Variants in GREB1L observed in about 807,000 individuals in gnomAD.
GREB1L encodes the protein GREB1-like protein.
GREB1L carries 17 observed loss-of-function variants against 200.8 expected under a neutral mutation model. That is an observed-to-expected ratio of 0.08 (90% CI 0.06 to 0.13). The LOEUF is 0.13. Ranked by LOEUF, GREB1L falls within the 10% of genes least tolerant of loss-of-function variation. The pLI is 1.00. For missense variants in GREB1L, 1,657 were observed against 2,367.7 expected (o/e 0.70, Z 6.23); for synonymous variants, 789 against 893.0 (o/e 0.88, Z 2.08).
intron 1 of GREB1L, among the ~76,000 whole-genome samples, chr18:21,269,876 G>C (rs1348423290): frequency 6.6e-6 from 1 of 152,052 alleles, no homozygotes; most frequent in Non-Finnish European, 1.5e-5. Flanking sequence ...AAATAGGTAG[G>C]ATTAGGATAA....
At chr18:21,411,556 G>A (rs550535023) in intron 7 of GREB1L, among the ~76,000 whole-genome samples, 3 of 152,244 alleles carry the variant, frequency 2.0e-5, no homozygotes, top group South Asian at 2.1e-4. Context: ...ACTGCTGGTA[G>A]GAGTGTTAAT....
At chr18:21,262,382 G>A (rs574939783) in intron 1 of GREB1L, among the ~76,000 whole-genome samples, 1 of 152,268 alleles carries the variant, frequency 6.6e-6, no homozygotes, top group Non-Finnish European at 1.5e-5. Flanking sequence ...TGTTTTGAAT[G>A]ACAGACCTTA....
rs116419069 is a variant in GREB1L at position 21,418,031 on chromosome 18, A to G, written c.832+14037A>G. Among the ~76,000 whole-genome samples the G allele has an allele frequency of 8.5e-3, 1,292 of 152,170 alleles. 18 individuals carry two copies. The highest frequency in any genetic ancestry group is 0.029 in the African/African-American group (1,207 of 41,538). On this transcript the variant is annotated intron_variant, in intron 7 of 32. Transcript: ENST00000424526. ...GAAAACCACTGAAAATAGTAACTGC[A>G]TAGATAAATGTATTTAATTTTTAAA...
intron 11 of GREB1L, among the ~76,000 whole-genome samples, chr18:21,448,786 G>C (rs948793913): frequency 1.3e-5 from 2 of 152,144 alleles, no homozygotes; most frequent in African/African-American, 4.8e-5. Flanking sequence ...TGTTCTAAAG[G>C]CTGGTTGAGT....
intron 7 of GREB1L, among the ~76,000 whole-genome samples, chr18:21,415,245 G>T (rs527247289): frequency 1.2e-4 from 19 of 152,206 alleles, no homozygotes; most frequent in Middle Eastern, 3.2e-3. Flanking sequence ...GCCAAGCGTG[G>T]TGGCTCACAT....
At chr18:21,307,950 T>G (rs1023784850) in intron 1 of GREB1L, among the ~76,000 whole-genome samples, 2 of 152,234 alleles carry the variant, frequency 1.3e-5, no homozygotes, top group Non-Finnish European at 2.9e-5. Context: ...GTTGCCAAAT[T>G]AGAGCAGTAT....
At chr18:21,478,010 T>A (rs528867471) in intron 17 of GREB1L, among the ~76,000 whole-genome samples, 4 of 152,362 alleles carry the variant, frequency 2.6e-5, no homozygotes, top group African/African-American at 9.6e-5. Context: ...GGATTTCCTT[T>A]GTGCCTTCAT....
At chr18:21,329,969 T>G (rs867053842) in intron 1 of GREB1L, among the ~76,000 whole-genome samples, 202 of 129,366 alleles carry the variant, frequency 1.6e-3, no homozygotes, top group East Asian at 7.3e-3. Flanking sequence ...GTTTTTTTTT[T>G]GGGGGGGGGG....
intron 1 of GREB1L, among the ~76,000 whole-genome samples, chr18:21,279,525 T>G (rs1158493545): frequency 6.6e-6 from 1 of 152,224 alleles, no homozygotes; most frequent in Non-Finnish European, 1.5e-5. Context: ...ATACATAATA[T>G]CTTAATAATT....
intron 1 of GREB1L, among the ~76,000 whole-genome samples, chr18:21,248,963 GA>G (rs57144031): frequency 0.049 from 7,411 of 151,852 alleles, 594 homozygotes; most frequent in African/African-American, 0.17. Context: ...GAATTTGTTA[GA>G]AAAAAACAAT....
intron 1 of GREB1L, among the ~76,000 whole-genome samples, chr18:21,280,307 G>A (rs1394692427): frequency 1.3e-5 from 2 of 152,098 alleles, no homozygotes; most frequent in African/African-American, 4.8e-5. Context: ...TAGTAGGTAG[G>A]CTTTTCAGAT....
chr18:21,360,900 T>C (rs558930898), intron 1 of GREB1L, among the ~76,000 whole-genome samples: 18 of 152,348 alleles, frequency 1.2e-4, no homozygotes, highest in African/African-American at 4.1e-4. Flanking sequence ...GGGATCTATA[T>C]TTCCATTTAA....
At chr18:21,280,487 G>T (rs1290012045) in intron 1 of GREB1L, among the ~76,000 whole-genome samples, 1 of 151,332 alleles carries the variant, frequency 6.6e-6, no homozygotes, top group Non-Finnish European at 1.5e-5. Flanking sequence ...CCTCTAGTTT[G>T]GGCAATTATA....
chr18:21,321,842 T>A (rs2144924768), intron 1 of GREB1L, among the ~76,000 whole-genome samples: 1 of 152,352 alleles, frequency 6.6e-6, no homozygotes, highest in Admixed American at 6.5e-5. Flanking sequence ...TAACATTTGT[T>A]CTTGGTTAAA....
At chr18:21,362,674 A>G (rs2039597650) in intron 1 of GREB1L, among the ~76,000 whole-genome samples, 1 of 152,224 alleles carries the variant, frequency 6.6e-6, no homozygotes, top group African/African-American at 2.4e-5. Flanking sequence ...CATTGACCAC[A>G]TGATGTTCTT....
At chr18:21,429,280 C>T (rs1308144221) in intron 7 of GREB1L, among the ~76,000 whole-genome samples, 108 of 120,516 alleles carry the variant, frequency 9.0e-4, no homozygotes, top group Non-Finnish European at 1.5e-3. Flanking sequence ...CTCCTCTCCT[C>T]TCCTCCCCTC....
At chr18:21,428,232 G>C (rs893271999) in intron 7 of GREB1L, among the ~76,000 whole-genome samples, 1 of 142,444 alleles carries the variant, frequency 7.0e-6, no homozygotes, top group Non-Finnish European at 1.5e-5. Flanking sequence ...AAAAAAGAGT[G>C]GACATATCTT....
At chr18:21,412,973 G>T (rs548915998) in intron 7 of GREB1L, among the ~76,000 whole-genome samples, 1 of 152,006 alleles carries the variant, frequency 6.6e-6, no homozygotes, top group African/African-American at 2.4e-5. Flanking sequence ...TTTCTGTTTC[G>T]CATGTGGTGA....
chr18:21,435,546 G>C (rs2033479998), intron 7 of GREB1L, among the ~76,000 whole-genome samples: 2 of 152,166 alleles, frequency 1.3e-5, no homozygotes, highest in South Asian at 4.1e-4. Context: ...GAGGAGCCTG[G>C]TCTTTGACAA....
Sources: gnomAD v4.1 joint callset for allele counts (sites outside exome capture counted in the v4.1 genomes callset) on GRCh38, gnomAD v4.1.1 for gene constraint, MANE v1.5 for transcripts, NCBI Gene and HGNC (gene_info 2026-07-23, HGNC 2026-07-21) for gene names.